SLC8A3: variants seen among roughly 807,000 people sequenced by gnomAD.
SLC8A3 encodes the protein solute carrier family 8 member A3.
A neutral mutation model predicts 65.4 loss-of-function variants in SLC8A3; 37 were observed. The ratio of observed to expected loss-of-function variants is 0.57; its 90% CI spans 0.44 to 0.74. The LOEUF (loss-of-function observed/expected upper bound fraction) is 0.74. Ranked by LOEUF, SLC8A3 falls within the 30% of genes least tolerant of loss-of-function variation. The pLI is 0.00. For synonymous variants in SLC8A3, 461 were observed against 444.5 expected (o/e 1.04, Z -0.47); for missense variants, 1,112 against 1,172.1 (o/e 0.95, Z 0.75).
chr14:70,098,401 G>A (rs1258392224), intron 2 of SLC8A3, among the ~76,000 whole-genome samples: 4 of 152,052 alleles, frequency 2.6e-5, no homozygotes, highest in Non-Finnish European at 4.4e-5. Flanking sequence ...TCTGGCAGCC[G>A]TGATCAAACC....
At chr14:70,159,433 A>AT (rs1896757728) in intron 2 of SLC8A3, among the ~76,000 whole-genome samples, 1 of 150,868 alleles carries the variant, frequency 6.6e-6, no homozygotes, top group Non-Finnish European at 1.5e-5. Context: ...AACAAAAAAA[A>AT]CCCAAACACA....
At chr14:70,114,670 C>A (rs1893540359) in intron 2 of SLC8A3, among the ~76,000 whole-genome samples, 1 of 152,162 alleles carries the variant, frequency 6.6e-6, no homozygotes, top group Middle Eastern at 3.2e-3. Flanking sequence ...GCCTAGAGAT[C>A]ATCATCGACT....
chr14:70,132,246 C>T lies in SLC8A3; in HGVS notation c.1784+34393G>A, dbSNP rs139731952. Among the ~76,000 whole-genome samples, 37 of 152,342 alleles carry T rather than the reference C, an allele frequency of 2.4e-4. No individual in the cohort carries two copies. The East Asian group carries it at 6.9e-3, about 29-fold the overall frequency. The stretch of plus-strand genomic sequence containing the variant: ...AGAAACCAAACTAAGAAATAAAAGC[C>T]ACTCACCAGAAAAAGCAGCAAGGTC... On this transcript the variant is annotated intron_variant, in intron 2 of 6. Coordinates refer to ENST00000356921, the MANE Select transcript of SLC8A3 (RefSeq NM_182932.3).
In SLC8A3 at chr14:70,080,077, C is replaced by G. The variant is rs541822429; in HGVS notation, c.1785-19138G>C. On this transcript the variant is annotated intron_variant, in intron 2 of 6. Transcript: ENST00000356921. Reference sequence around the variant, plus strand: ...GCAGCAGGCTCAGCAAGTGATGGTTCCCTTTCCTTCCCCTCTTTCCTTGAC... The same window carrying G: ...GCAGCAGGCTCAGCAAGTGATGGTTGCCTTTCCTTCCCCTCTTTCCTTGAC... 2.6e-5 allele frequency: 26 copies of G among 985,300 alleles called. No homozygotes were observed. In the African/African-American group the frequency reaches 4.5e-4, roughly 17 times the overall value. The allele number at this position is 985,300 out of a possible 1,614,324, so 61.0% of individuals were successfully genotyped here.
chr14:70,148,580 C>T lies in SLC8A3; in HGVS notation c.1784+18059G>A, dbSNP rs148223653. Among the ~76,000 whole-genome samples, 734 of 152,294 alleles carry T rather than the reference C, an allele frequency of 4.8e-3. 2 individuals are homozygous for T. Among genetic ancestry groups the T allele is most frequent in the Non-Finnish European group, 8.4e-3 (573 of 68,030 alleles). ...GGGGTGTGAGCCAGCCTTTTATCTC[C>T]TTCTGCTCAGGAAACAGCTAGTGGA... On this transcript the variant is annotated intron_variant, in intron 2 of 6. Transcript: ENST00000356921.
chr14:70,160,350 CAGG>C (rs1414116756), intron 2 of SLC8A3, among the ~76,000 whole-genome samples: 3 of 152,092 alleles, frequency 2.0e-5, no homozygotes, highest in Non-Finnish European at 4.4e-5. Flanking sequence ...GAGGCTGAGG[CAGG>C]AGAATTGCTT....
intron 2 of SLC8A3, among the ~76,000 whole-genome samples, chr14:70,142,232 T>C (rs568151049): frequency 4.3e-4 from 65 of 152,356 alleles, no homozygotes; most frequent in African/African-American, 1.4e-3. Flanking sequence ...TCCCAGACAG[T>C]CTGCCCTGAG....
chr14:70,124,553 A>G (rs1894312930), intron 2 of SLC8A3, among the ~76,000 whole-genome samples: 1 of 152,250 alleles, frequency 6.6e-6, no homozygotes, highest in African/African-American at 2.4e-5. Context: ...CCTTTACGGT[A>G]ACCAGGTTAA....
intron 1 of SLC8A3, among the ~76,000 whole-genome samples, chr14:70,183,027 A>C (rs1366979552): frequency 6.6e-6 from 1 of 152,154 alleles, no homozygotes; most frequent in Non-Finnish European, 1.5e-5. Flanking sequence ...CGAAGCTCAC[A>C]CTGTTTGGTT....
intron 2 of SLC8A3, among the ~76,000 whole-genome samples, chr14:70,135,742 T>A (rs1379606133): frequency 1.3e-5 from 2 of 151,812 alleles, no homozygotes; most frequent in East Asian, 3.9e-4. Context: ...TACCAGAGGC[T>A]GGTAAGGGAA....
chr14:70,120,111 C>G (rs1218179817), intron 2 of SLC8A3, among the ~76,000 whole-genome samples: 1 of 152,210 alleles, frequency 6.6e-6, no homozygotes, highest in East Asian at 1.9e-4. Context: ...GGAGCCAATA[C>G]GATGGAAGCT....
chr14:70,183,872 C>A (rs1882961230), intron 1 of SLC8A3, among the ~76,000 whole-genome samples: 1 of 152,198 alleles, frequency 6.6e-6, no homozygotes, highest in Non-Finnish European at 1.5e-5. Flanking sequence ...TAGAAAAGTG[C>A]AAGTTAACTC....
chr14:70,046,002 A>G lies in SLC8A3; in HGVS notation c.2711T>C (p.Leu904Pro), dbSNP rs1286259049. The change falls in exon 7 of 7, where the codon CTC becomes CCC. Residue 904 changes from leucine to proline, a missense_variant. Physicochemically the swap from Leu to Pro is moderately conservative, Grantham distance 98 (BLOSUM62 -3). Coordinates refer to ENST00000356921, the MANE Select transcript of SLC8A3 (RefSeq NM_182932.3). The surrounding 1 kb of genome is among the most constrained non-coding windows in gnomAD (Gnocchi z 4.2). ...ATTWLFVSLW[L>P]LYILFATLEA... Reference sequence around the variant, plus strand: ...TAGTGTGGCAAAGAGTATGTAGAGGAGCCACAGGCTCACAAAGAGCCATGT... The same window carrying G: ...TAGTGTGGCAAAGAGTATGTAGAGGGGCCACAGGCTCACAAAGAGCCATGT... 2 of 1,612,608 alleles carry G rather than the reference A, an allele frequency of 1.2e-6. No homozygotes were observed. Among genetic ancestry groups the G allele is most frequent in the South Asian group, 2.2e-5 (2 of 90,866 alleles).
chr14:70,063,752 T>G, intron 2 of SLC8A3: 1 of 826,560 alleles, frequency 1.2e-6, no homozygotes, highest in Non-Finnish European at 2.0e-6. Context: ...AGGAGACAAA[T>G]GGGTTGGAGA....
rs768436582 is a variant in SLC8A3, at chr14:70,168,078, C to T, written c.345G>A (p.Lys115=). The T allele has an allele frequency of 1.8e-5, 29 of 1,614,018 alleles. No individual in the cohort carries two copies. Among genetic ancestry groups the T allele is most frequent in the East Asian group, 1.3e-4 (6 of 44,886 alleles). ...ITSQEREVTI[K]KPNGETSTTT... ...TTGTGCTGGTTTCTCCATTGGGTTT[C>T]TTAATTGTCACCTCCCTCTCTTGAG... The change falls in exon 2 of 7, where the codon AAG becomes AAA. Residue 115 remains lysine, a synonymous_variant. Transcript: ENST00000356921.
chr14:70,166,974 C>A lies in SLC8A3; in HGVS notation c.1449G>T (p.Arg483Ser), dbSNP rs1897203871. Residue 483 changes from arginine (R) to serine (S), a missense_variant, in exon 2 of 7, where the codon AGG (arginine) becomes AGT (serine). Physicochemically the swap from Arg to Ser is moderately radical, Grantham distance 110. Coordinates refer to ENST00000356921, the MANE Select transcript of SLC8A3 (RefSeq NM_182932.3). ...IFEEDEHFFV[R>S]LSNVRIEEEQ... ...CCTCCTCTATGCGGACATTGCTCAA[C>A]CTTACAAAGAAGTGTTCATCCTCCT... The A allele has an allele frequency of 6.2e-7, 1 of 1,614,156 alleles. No individual in the cohort carries two copies. Among genetic ancestry groups the A allele is most frequent in the East Asian group, 2.2e-5 (1 of 44,882 alleles).
In SLC8A3 at chr14:70,166,917, T is replaced by G. The variant is rs1897197182; in HGVS notation, c.1506A>C (p.Ile502=). ...EQPEEGMPPA[I]FNSLPLPRAV... The stretch of plus-strand genomic sequence containing the variant: ...CCCGAGGCAAGGGAAGACTGTTGAA[T>G]ATTGCTGGAGGCATCCCCTCCTCTG... The change falls in exon 2 of 7, where the codon ATA becomes ATC. Residue 502 remains isoleucine (I), a synonymous_variant. Coordinates refer to ENST00000356921, the MANE Select transcript of SLC8A3 (RefSeq NM_182932.3). 6.2e-7 allele frequency: 1 copy of G among 1,614,076 alleles called. No homozygotes were observed. The highest frequency in any genetic ancestry group is 1.7e-5 in the Admixed American group (1 of 60,008).
chr14:70,066,007 CA>C (rs2139870802), intron 2 of SLC8A3, among the ~76,000 whole-genome samples: 1 of 152,352 alleles, frequency 6.6e-6, no homozygotes, highest in East Asian at 1.9e-4. Flanking sequence ...GACAACATGT[CA>C]TGTGACATAG....
At position 70,105,899 on chromosome 14, in the gene SLC8A3, G is replaced by C. The variant is rs928772016; in HGVS notation, c.1785-44960C>G. On this transcript the variant is annotated intron_variant, in intron 2 of 6. Transcript: ENST00000356921. ...AAAAGGATAACACATCGATGACCAA[G>C]TAGGATTTATGCCATGAATTTAAAT... Among the ~76,000 whole-genome samples the C allele has an allele frequency of 2.0e-5, 3 of 151,476 alleles. No individual in the cohort carries two copies. The South Asian group carries it at 6.2e-4, about 31-fold the overall frequency.
Sources: allele counts gnomAD v4.1 joint callset (sites outside exome capture counted in the v4.1 genomes callset), GRCh38; gene constraint gnomAD v4.1.1; non-coding constraint Gnocchi (gnomAD v3.1); transcripts MANE v1.5; gene names NCBI Gene and HGNC (gene_info 2026-07-23, HGNC 2026-07-21).